MYO1E: variants seen among roughly 807,000 people sequenced by gnomAD.
The protein encoded by MYO1E is myosin IE.
In MYO1E, 68 loss-of-function variants were observed where a neutral mutation model predicts 151.1. The ratio of observed to expected loss-of-function variants is 0.45; its 90% CI spans 0.37 to 0.55. The LOEUF is 0.55. Among genes scored for constraint, MYO1E ranks in the 20% least tolerant of loss-of-function variants. The pLI is 0.00. For missense variants in MYO1E, 1,363 were observed against 1,389.3 expected (o/e 0.98, Z 0.30); for synonymous variants, 601 against 501.7 (o/e 1.20, Z -2.64).
chr15:59,360,359 A>G (rs78937677), intron 1 of MYO1E, among the ~76,000 whole-genome samples: 1,692 of 141,106 alleles, frequency 0.012, 29 homozygotes, highest in African/African-American at 0.036. Context: ...AACCAAGGGG[A>G]AAAAAAAAAG....
intron 1 of MYO1E, among the ~76,000 whole-genome samples, chr15:59,312,982 G>A (rs1222377467): frequency 1.3e-5 from 2 of 152,068 alleles, no homozygotes; most frequent in Admixed American, 6.6e-5. Flanking sequence ...CGGAGATCAC[G>A]CCATTGCACT....
intron 4 of MYO1E, among the ~76,000 whole-genome samples, chr15:59,253,205 T>C (rs1005994449): frequency 1.3e-5 from 2 of 152,144 alleles, no homozygotes; most frequent in African/African-American, 2.4e-5. Flanking sequence ...GTTTTGAAAA[T>C]AGGTGAGTAA....
intron 1 of MYO1E, among the ~76,000 whole-genome samples, chr15:59,325,602 T>C (rs1330340803): frequency 1.3e-5 from 2 of 152,198 alleles, no homozygotes; most frequent in African/African-American, 4.8e-5. Context: ...TGTCCAATCA[T>C]TTTGTTAGCT....
At chr15:59,230,634 A>G (rs2080022558) in intron 6 of MYO1E, among the ~76,000 whole-genome samples, 1 of 152,202 alleles carries the variant, frequency 6.6e-6, no homozygotes, top group Non-Finnish European at 1.5e-5. Context: ...TATGAGAGAC[A>G]AACAAATGAG....
At chr15:59,334,790 G>A (rs2080718712) in intron 1 of MYO1E, among the ~76,000 whole-genome samples, 2 of 152,182 alleles carry the variant, frequency 1.3e-5, no homozygotes, top group African/African-American at 4.8e-5. Context: ...GTCAAAAACA[G>A]AAGGAAATCA....
At position 59,217,519 on chromosome 15, in the gene MYO1E, CTTTTTTT is replaced by C. The variant is rs1164320277; in HGVS notation, c.1107+365_1107+371del. ...AACACAAAACCCTCAGTCGTTTTACCTTTTTTTTTTTTTTTTTTTTTTGGGAGATAGG... is the reference window on the plus strand; with the variant it reads ...AACACAAAACCCTCAGTCGTTTTACCTTTTTTTTTTTTTTTGGGAGATAGG... On this transcript the variant is annotated intron_variant, in intron 10 of 27. Transcript: ENST00000288235. Among the ~76,000 whole-genome samples the C allele has an allele frequency of 3.6e-4, 19 of 53,160 alleles. 1 individual carries two copies. The highest frequency in any genetic ancestry group is 1.1e-3 in the Admixed American group (3 of 2,846). 34.9% of individuals were successfully genotyped at this position (53,160 alleles called of 152,430 possible).
At chr15:59,146,608 C>T (rs540232456) in intron 26 of MYO1E, among the ~76,000 whole-genome samples, 3 of 152,178 alleles carry the variant, frequency 2.0e-5, no homozygotes, top group African/African-American at 7.2e-5. Context: ...AGCCACTGTG[C>T]TTGGCTAGAT....
At chr15:59,368,616 G>A (rs532515080) in intron 1 of MYO1E, among the ~76,000 whole-genome samples, 17 of 152,176 alleles carry the variant, frequency 1.1e-4, no homozygotes, top group Non-Finnish European at 2.2e-4. Flanking sequence ...CGTTGTGGCA[G>A]GCACCTGTAA....
intron 3 of MYO1E, 141 bp downstream of exon 3, chr15:59,261,279 A>C (rs978986517): frequency 2.3e-6 from 1 of 430,786 alleles, no homozygotes; most frequent in Admixed American, 4.0e-5. Context: ...AGATCATTAA[A>C]AATCAAACAA....
chr15:59,357,943 C>T (rs896601003), intron 1 of MYO1E, among the ~76,000 whole-genome samples: 9 of 152,134 alleles, frequency 5.9e-5, no homozygotes, highest in African/African-American at 2.2e-4. Flanking sequence ...TGAGTGTAGC[C>T]ACACTGCAGA....
intron 22 of MYO1E, among the ~76,000 whole-genome samples, chr15:59,167,916 C>T (rs1337390664): frequency 2.0e-5 from 3 of 152,080 alleles, no homozygotes; most frequent in East Asian, 3.9e-4. Flanking sequence ...TGACCTCAAG[C>T]AATCGGCTCG....
chr15:59,176,366 T>C (rs1428809622), intron 19 of MYO1E, among the ~76,000 whole-genome samples: 1 of 152,052 alleles, frequency 6.6e-6, no homozygotes, highest in Non-Finnish European at 1.5e-5. Context: ...GGTTATGATG[T>C]GGGTTCTTAA....
At position 59,158,317 on chromosome 15, in the gene MYO1E, A is replaced by G; in HGVS notation, c.2848T>C (p.Tyr950His). 6.3e-7 allele frequency: 1 copy of G among 1,577,812 alleles called. No individual in the cohort carries two copies. Among genetic ancestry groups the G allele is most frequent in the South Asian group, 1.2e-5 (1 of 86,438 alleles). ...GGAGGAGGGGCAGCTCTCACTGGGT[A>G]GTTGGCATTTTGAGTCCCACTGGAA... ...GYSSGTQNAN[Y>H]PVRAAPPPPG... The change falls in exon 25 of 28, where the codon TAC (tyrosine) becomes CAC (histidine). Residue 950 changes from tyrosine to histidine, a missense_variant. By Grantham distance (83) the Tyr-to-His change is moderately conservative (BLOSUM62 2). Coordinates refer to ENST00000288235, the MANE Select transcript of MYO1E (RefSeq NM_004998.4).
rs1026880212 is a variant in MYO1E, at chr15:59,132,543, C to G, written c.*4837G>C. ...CTTTAAGATACTTTCTTAGATGGCA[C>G]AGCAGGCACCCCAAACTAAAATGTC... On this transcript the variant is annotated 3_prime_UTR_variant, in exon 28 of 28. Transcript: ENST00000288235. The G allele has an allele frequency of 3.3e-5, 5 of 152,168 alleles. No homozygotes were observed. The highest frequency in any genetic ancestry group is 1.2e-4 in the African/African-American group (5 of 41,432). The allele number at this position is 152,168 out of a possible 1,614,324, so 9.4% of individuals were successfully genotyped here.
Position 59,178,534 on chromosome 15 carries a change from A to G in MYO1E, c.1908T>C (p.Tyr636=). 1.9e-6 allele frequency: 3 copies of G among 1,614,150 alleles called. No individual in the cohort carries two copies. The highest frequency in any genetic ancestry group is 1.7e-5 in the Admixed American group (1 of 60,020). ...GCCAGGTGGCTTTGGTCAGAATGGC[A>G]TACCTGTGGGGACATTGGGGAGAAG... The part of the protein sequence containing the change: ...RRIFQKFLQR[Y]AILTKATWPS... The change falls in exon 19 of 28, where the codon TAT becomes TAC. Residue 636 remains tyrosine, a synonymous_variant. Transcript: ENST00000288235.
intron 2 of MYO1E, among the ~76,000 whole-genome samples, chr15:59,268,738 T>TTTTTTTTTTTTTTTTTTTTTTTTTTTTTC (rs2080272594): frequency 1.4e-5 from 2 of 138,876 alleles, no homozygotes; most frequent in Non-Finnish European, 3.1e-5. Flanking sequence ...TTTTTTTTTT[T>TTTTTTTTTTTTTTTTTTTTTTTTTTTTTC]TTTGCTTCAC....
intron 14 of MYO1E, chr15:59,207,114 T>C: frequency 6.2e-7 from 1 of 1,614,276 alleles, no homozygotes. Context: ...GTGAGCTTAT[T>C]GAGCGTTTCA....
intron 6 of MYO1E, among the ~76,000 whole-genome samples, chr15:59,230,671 G>A (rs2080022713): frequency 1.3e-5 from 2 of 152,164 alleles, no homozygotes; most frequent in Admixed American, 6.5e-5. Context: ...GGAAAGCAAA[G>A]AAAGTAAGGG....
intron 2 of MYO1E, among the ~76,000 whole-genome samples, chr15:59,265,609 T>G (rs2080248466): frequency 6.6e-6 from 1 of 151,930 alleles, no homozygotes. Context: ...CTCCCTAAAT[T>G]TATCAGTAGG....
Sources: gnomAD v4.1 joint callset for allele counts (sites outside exome capture counted in the v4.1 genomes callset) on GRCh38, gnomAD v4.1.1 for gene constraint, MANE v1.5 for transcripts, NCBI Gene and HGNC (gene_info 2026-07-23, HGNC 2026-07-21) for gene names.